Variants in LMNB1 observed in about 807,000 individuals in gnomAD.
LMNB1 encodes the protein lamin-B1.
Under a neutral mutation model 67.1 loss-of-function variants are expected in LMNB1, and 23 were observed. That is an observed-to-expected ratio of 0.34 (90% CI 0.25 to 0.49). The LOEUF is 0.49. LMNB1 is among the 20% of genes least tolerant of loss of function. LMNB1 has a pLI of 0.99. For missense variants in LMNB1, 634 were observed against 746.5 expected (o/e 0.85, Z 1.76); for synonymous variants, 281 against 282.9 (o/e 0.99, Z 0.07).
Position 126,777,524 on chromosome 5 carries a change from C to G in LMNB1, c.16C>G (p.Pro6Ala). MATAT[P>A]VPPRMGSRAG... ...GCCGCCCGCCATGGCGACTGCGACC[C>G]CCGTGCCGCCGCGGATGGGCAGCCG... Residue 6 changes from proline (P) to alanine (A), a missense_variant, in exon 1 of 11, where the codon CCC (proline) becomes GCC (alanine). Physicochemically the swap from Pro to Ala is conservative, Grantham distance 27. Transcript: ENST00000261366. 1 of 1,386,888 alleles carries G rather than the reference C, an allele frequency of 7.2e-7. No homozygotes were observed. Among genetic ancestry groups the G allele is most frequent in the Non-Finnish European group, 9.3e-7 (1 of 1,069,750 alleles). The allele number at this position is 1,386,888 out of a possible 1,614,324, so 85.9% of individuals were successfully genotyped here. A position where few individuals can be genotyped will look rare whatever the true frequency, so the allele number is the denominator to read the frequency against.
chr5:126,808,853 T>C (rs1346857854), intron 3 of LMNB1, among the ~76,000 whole-genome samples: 1 of 152,070 alleles, frequency 6.6e-6, no homozygotes, highest in African/African-American at 2.4e-5. Context: ...TCTTGTGGCT[T>C]CTTCAGATAT....
In LMNB1 at chr5:126,826,086, A is replaced by G. The variant is rs1472876819; in HGVS notation, c.1590A>G (p.Ile530Met). 1.2e-6 allele frequency: 2 copies of G among 1,613,078 alleles called. No homozygotes were observed. The highest frequency in any genetic ancestry group is 1.7e-5 in the Admixed American group (1 of 59,964). Residue 530 changes from isoleucine to methionine, a missense_variant, in exon 9 of 11, where the codon ATA becomes ATG. By Grantham distance (10) the Ile-to-Met change is conservative. Coordinates refer to ENST00000261366, the MANE Select transcript of LMNB1 (RefSeq NM_005573.4). Reference protein sequence around the residue: ...SWGTGEDVKVILKNSQGEEVA... With the variant: ...SWGTGEDVKVMLKNSQGEEVA... ...GCACTGGCGAAGATGTGAAGGTTAT[A>G]TTGAAAAATTCTCAGGGAGAGGTAT... is the stretch of plus-strand genomic sequence containing the variant.
chr5:126,788,743 G>C (rs939467604), intron 1 of LMNB1, among the ~76,000 whole-genome samples: 32 of 152,110 alleles, frequency 2.1e-4, no homozygotes, highest in African/African-American at 7.2e-4. Flanking sequence ...TGTTTTTGGT[G>C]CCTTAGGTGA....
chr5:126,833,708 A>C (rs1251774386), intron 10 of LMNB1, among the ~76,000 whole-genome samples: 3 of 152,258 alleles, frequency 2.0e-5, no homozygotes. Context: ...TACTAGAAGT[A>C]AAATAATTAT....
chr5:126,810,708 A>T (rs796638268), intron 4 of LMNB1, among the ~76,000 whole-genome samples: 40 of 152,368 alleles, frequency 2.6e-4, no homozygotes, highest in African/African-American at 9.6e-4. Flanking sequence ...CCATTTAGTA[A>T]TGAATGAATG....
At chr5:126,825,413 T>G (rs1354329347) in intron 8 of LMNB1, among the ~76,000 whole-genome samples, 1 of 152,226 alleles carries the variant, frequency 6.6e-6, no homozygotes, top group Non-Finnish European at 1.5e-5. Flanking sequence ...TATTGTGACA[T>G]TGTCTGTTTG....
Position 126,778,443 on chromosome 5 carries a change from C to T in LMNB1, c.359+576C>T, listed in dbSNP as rs553276426. On this transcript the variant is annotated intron_variant, in intron 1 of 10. Coordinates refer to ENST00000261366, the MANE Select transcript of LMNB1 (RefSeq NM_005573.4). ...GGGGTGGGTCCCGCTTTGGCGCGCT[C>T]AGTCTTGGCCCTGTGACGTTTTGCG... Among the ~76,000 whole-genome samples the T allele has an allele frequency of 7.5e-3, 1,145 of 152,314 alleles. 10 individuals are homozygous for T. The highest frequency in any genetic ancestry group is 0.012 in the Non-Finnish European group (850 of 68,024).
At position 126,836,907 on chromosome 5, in the gene LMNB1, G is replaced by A; in HGVS notation, c.*643G>A. On this transcript the variant is annotated 3_prime_UTR_variant, in exon 11 of 11. Transcript: ENST00000261366. ...ATGAGGAGGGTGGGGGAGGGAGGTG[G>A]AGGGAGGGAAGGGTTTCTCTATTAA... 6.8e-6 allele frequency: 2 copies of A among 296,146 alleles called. No individual in the cohort carries two copies. Among genetic ancestry groups the A allele is most frequent in the Non-Finnish European group, 1.2e-5 (2 of 162,704 alleles). The allele number at this position is 296,146 out of a possible 1,614,324, so 18.3% of individuals were successfully genotyped here.
In LMNB1 at chr5:126,836,357, A is replaced by G. The variant is rs1752247667; in HGVS notation, c.*93A>G. 2.3e-6 allele frequency: 2 copies of G among 867,312 alleles called. No homozygotes were observed. Among genetic ancestry groups the G allele is most frequent in the Admixed American group, 2.4e-5 (1 of 42,098 alleles). The allele number at this position is 867,312 out of a possible 1,614,324, so 53.7% of individuals were successfully genotyped here. A position where few individuals can be genotyped will look rare whatever the true frequency, so the allele number is the denominator to read the frequency against. ...TCTCAGAAGCACAGAATATTTTTATATTTCCTTTATGTGAATTTTTAAGCT... is the reference window on the plus strand; with the variant it reads ...TCTCAGAAGCACAGAATATTTTTATGTTTCCTTTATGTGAATTTTTAAGCT... On this transcript the variant is annotated 3_prime_UTR_variant, in exon 11 of 11. Transcript: ENST00000261366.
chr5:126,778,786 C>CACTG (rs1473127943), intron 1 of LMNB1, among the ~76,000 whole-genome samples: 1 of 152,102 alleles, frequency 6.6e-6, no homozygotes, highest in Non-Finnish European at 1.5e-5. Context: ...CTTAGTCGAC[C>CACTG]ACTGTGCAGA....
At chr5:126,826,802 T>C (rs1383954600) in intron 9 of LMNB1, among the ~76,000 whole-genome samples, 1 of 152,248 alleles carries the variant, frequency 6.6e-6, no homozygotes, top group African/African-American at 2.4e-5. Context: ...CCAGGTGCTG[T>C]ACCACGCATC....
At chr5:126,808,432 A>T (rs1482304436) in intron 3 of LMNB1, among the ~76,000 whole-genome samples, 4 of 148,622 alleles carry the variant, frequency 2.7e-5, no homozygotes, top group African/African-American at 1.0e-4. Context: ...CAGGTGAGCC[A>T]CTCGCCTCAG....
intron 8 of LMNB1, 87 bp downstream of exon 8, chr5:126,822,972 A>AT: frequency 1.3e-6 from 1 of 780,794 alleles, no homozygotes; most frequent in Non-Finnish European, 2.2e-6. Context: ...AAAGAGAAGC[A>AT]TTTTAGAAAT....
intron 9 of LMNB1, among the ~76,000 whole-genome samples, chr5:126,828,344 G>A (rs1342760222): frequency 3.3e-5 from 5 of 152,002 alleles, no homozygotes; most frequent in African/African-American, 1.2e-4. Context: ...TTCCAAGTTA[G>A]AAACAATGTT....
At chr5:126,777,925 C>T (rs1750514582) in intron 1 of LMNB1, 58 bp downstream of exon 1, 1 of 1,370,396 alleles carries the variant, frequency 7.3e-7, no homozygotes, top group South Asian at 1.6e-5. Context: ...GCAACCGCGG[C>T]GACCAGCTCA....
intron 10 of LMNB1, among the ~76,000 whole-genome samples, chr5:126,834,621 G>T (rs778152976): frequency 6.6e-6 from 1 of 152,238 alleles, no homozygotes; most frequent in Non-Finnish European, 1.5e-5. Flanking sequence ...GGTGGCTTAC[G>T]CCTGTAATCC....
At chr5:126,832,505 G>C (rs1752158854) in intron 9 of LMNB1, among the ~76,000 whole-genome samples, 189 bp from the exon 10 acceptor site, 1 of 151,956 alleles carries the variant, frequency 6.6e-6, no homozygotes, top group South Asian at 2.1e-4. Context: ...TCACCATGTT[G>C]GTCAGGCTGG....
intron 8 of LMNB1, among the ~76,000 whole-genome samples, chr5:126,825,368 A>T (rs1306015550): frequency 6.6e-6 from 1 of 152,224 alleles, no homozygotes; most frequent in Non-Finnish European, 1.5e-5. Context: ...CATTTCCAGC[A>T]TTCTTTTTGG....
chr5:126,829,733 C>T (rs924301143), intron 9 of LMNB1, among the ~76,000 whole-genome samples: 3 of 152,106 alleles, frequency 2.0e-5, no homozygotes, highest in Non-Finnish European at 4.4e-5. Flanking sequence ...GGGTGGGTCA[C>T]GTGCCCACCT....
Sources: allele counts gnomAD v4.1 joint callset (sites outside exome capture counted in the v4.1 genomes callset), GRCh38; gene constraint gnomAD v4.1.1; transcripts MANE v1.5; gene names NCBI Gene and HGNC (gene_info 2026-07-23, HGNC 2026-07-21).